Variants in ENTPD8 observed in about 807,000 individuals in gnomAD.
The protein encoded by ENTPD8 is E-NTPDase 8.
A neutral mutation model predicts 47.0 loss-of-function variants in ENTPD8; 35 were observed. The observed-to-expected ratio is 0.75, with a 90% confidence interval of 0.57 to 0.99. The LOEUF (loss-of-function observed/expected upper bound fraction) is 0.99. Ranked by LOEUF, ENTPD8 falls within the 50% of genes least tolerant of loss-of-function variation. The probability of loss-of-function intolerance (pLI) is 0.00; values close to 1 mark genes in which losing one functional copy is unlikely to be tolerated. For missense variants in ENTPD8, 668 were observed against 649.9 expected, an observed-to-expected ratio of 1.03 and a Z score of -0.30; for synonymous variants, 308 against 290.5, an observed-to-expected ratio of 1.06 and a Z score of -0.61.
intron 3 of ENTPD8, 48 bp from the exon 4 acceptor site, chr9:137,437,357 G>A: frequency 1.3e-6 from 2 of 1,574,630 alleles, no homozygotes; most frequent in Non-Finnish European, 1.7e-6. Flanking sequence ...AGGCTGGCTG[G>A]GCTGAAAGGT....
chr9:137,435,631 C>A, intron 8 of ENTPD8, 88 bp downstream of exon 8: 1 of 1,340,612 alleles, frequency 7.5e-7, no homozygotes, highest in South Asian at 1.2e-5. Flanking sequence ...GGCCGTGCTG[C>A]CCAGAATGAG....
Position 137,434,968 on chromosome 9 carries a change from G to C in ENTPD8, c.1434C>G (p.Ala478=). Residue 478 remains alanine, a synonymous_variant, in exon 10 of 10, where the codon GCC becomes GCG. Coordinates refer to ENST00000371506, the MANE Select transcript of ENTPD8 (RefSeq NM_001033113.2). Reference sequence around the variant, plus strand: ...AGGCAGCCCCCACCACCGCCACCAGGGCCAGCACCATGAACACCACTTTGG... The same window carrying C: ...AGGCAGCCCCCACCACCGCCACCAGCGCCAGCACCATGAACACCACTTTGG... ...WVAKVVFMVL[A]LVAVVGAALV... is the part of the protein sequence containing the mutation. The C allele has an allele frequency of 6.2e-7, 1 of 1,612,994 alleles. No homozygotes were observed. The highest frequency in any genetic ancestry group is 8.5e-7 in the Non-Finnish European group (1 of 1,179,894).
intron 1 of ENTPD8, among the ~76,000 whole-genome samples, chr9:137,439,013 G>C (rs963714205): frequency 6.6e-6 from 1 of 152,146 alleles, no homozygotes. Flanking sequence ...TAGGGTGGGG[G>C]TTTCTCTCTG....
chr9:137,435,246 C>T lies in ENTPD8; in HGVS notation c.1254G>A (p.Gly418=), dbSNP rs761246221. 4 of 1,612,380 alleles carry T rather than the reference C, an allele frequency of 2.5e-6. No individual in the cohort carries two copies. The highest frequency in any genetic ancestry group is 3.4e-6 in the Non-Finnish European group (4 of 1,179,878). ...GGCTGGGCCAGGTCTCCTCGCTGAA[C>T]CCGTAGCCCTCGTGCAGGAGGGTGA... is the stretch of plus-strand genomic sequence containing the variant. ...YILTLLHEGY[G]FSEETWPSLE... is the part of the protein sequence containing the mutation. Residue 418 remains glycine (G), a synonymous_variant, in exon 9 of 10, where the codon GGG becomes GGA. Transcript: ENST00000371506.
rs1588478099 is a variant in ENTPD8, at chr9:137,437,151, T to C, written c.395+8A>G. 6.2e-7 allele frequency: 1 copy of C among 1,612,178 alleles called. No individual in the cohort carries two copies. On this transcript the variant is annotated splice_region_variant and intron_variant, in intron 4 of 9. Coordinates refer to ENST00000371506, the MANE Select transcript of ENTPD8 (RefSeq NM_001033113.2). ...TCCCCGTGGGTGCCAAGGCCATGCC[T>C]GCCTCACCTGAGCAACCTCATGCCA...
At chr9:137,440,272 AC>A in intron 1 of ENTPD8, among the ~76,000 whole-genome samples, 1 of 23,942 alleles carries the variant, frequency 4.2e-5, no homozygotes, top group Non-Finnish European at 7.1e-5. Flanking sequence ...AGCCCCCCAG[AC>A]CAGGACAGCC....
rs766417457 is a variant in ENTPD8 at position 137,436,739 on chromosome 9, C to T, written c.568G>A (p.Gly190Arg). 1.9e-6 allele frequency: 3 copies of T among 1,604,378 alleles called. No homozygotes were observed. The African/African-American group carries it at 4.0e-5, about 21-fold the overall frequency. ...TCCTCCGGAGGCTGGATCCATTCTC[C>T]AGTGAAGGAGTACTGGGCACAGAAG... The part of the protein sequence containing the change: ...LGTLVKYSFT[G>R]EWIQPPEEML... Residue 190 changes from glycine to arginine, a missense_variant, in exon 6 of 10, where the codon GGA (glycine) becomes AGA (arginine). Gly to Arg is a moderately radical substitution (Grantham distance 125). Transcript: ENST00000371506.
rs1200770565 is a variant in ENTPD8, at chr9:137,438,553, G to A, written c.-20-248C>T. Among the ~76,000 whole-genome samples, 4 of 150,842 alleles carry A rather than the reference G, an allele frequency of 2.7e-5. No homozygotes were observed. The highest frequency in any genetic ancestry group is 5.9e-5 in the Non-Finnish European group (4 of 67,544). On this transcript the variant is annotated intron_variant, in intron 1 of 9. Coordinates refer to ENST00000371506, the MANE Select transcript of ENTPD8 (RefSeq NM_001033113.2). The surrounding 1 kb of genome is among the most constrained non-coding windows in gnomAD (Gnocchi z 5.7). ...CTCCCGTGGCCATAGAGGCATCTCCGGGGCTCAGACGGCCTCCCGTGGCCA... is the reference window on the plus strand; with the variant it reads ...CTCCCGTGGCCATAGAGGCATCTCCAGGGCTCAGACGGCCTCCCGTGGCCA...
chr9:137,435,168 G>A (rs1167517553), intron 9 of ENTPD8, 36 bp downstream of exon 9: 26 of 1,602,220 alleles, frequency 1.6e-5, no homozygotes, highest in Admixed American at 5.0e-5. Flanking sequence ...ACCTGCCCAC[G>A]CCCACGCCCC....
Position 137,435,718 on chromosome 9 carries a change from C to G in ENTPD8, c.1161+1G>C, listed in dbSNP as rs776416361. On this transcript the variant is annotated splice_donor_variant, in intron 8 of 9. Transcript: ENST00000371506. LOFTEE classifies it high-confidence loss of function. ...AGCCAGGGAGCCCAGGGCCCACCCA[C>G]CAGTTTCCAGGGCCTCTGGCAAAAC... The G allele has an allele frequency of 1.2e-5, 20 of 1,612,120 alleles. No individual in the cohort carries two copies. The highest frequency in any genetic ancestry group is 1.6e-5 in the Non-Finnish European group (19 of 1,179,174).
rs760846135 is a variant in ENTPD8 at position 137,436,818 on chromosome 9, A to G, written c.555+51T>C. 2.5e-6 allele frequency: 4 copies of G among 1,604,326 alleles called. No homozygotes were observed. The Admixed American group carries it at 6.7e-5, about 27-fold the overall frequency. On this transcript the variant is annotated intron_variant, in intron 5 of 9. Coordinates refer to ENST00000371506, the MANE Select transcript of ENTPD8 (RefSeq NM_001033113.2). ...GACCCCGTCCCGGTCAGCCAGCCCC[A>G]GACACCAGCCCCTCGCAGACCAGCC... is the stretch of plus-strand genomic sequence containing the variant.
chr9:137,436,791 C>T lies in ENTPD8; in HGVS notation c.556-40G>A, dbSNP rs201022191. The T allele has an allele frequency of 1.7e-5, 28 of 1,601,598 alleles. 1 individual carries two copies. The highest frequency in any genetic ancestry group is 3.3e-4 in the Middle Eastern group (2 of 6,032). ...GGCCACTCAGCTGGGAGCAGCCACCCGGACCCCGTCCCGGTCAGCCAGCCC... is the reference window on the plus strand; with the variant it reads ...GGCCACTCAGCTGGGAGCAGCCACCTGGACCCCGTCCCGGTCAGCCAGCCC... On this transcript the variant is annotated intron_variant, in intron 5 of 9. Transcript: ENST00000371506.
chr9:137,437,263 C>T lies in ENTPD8; in HGVS notation c.291G>A (p.Glu97=). 1 of 1,613,022 alleles carries T rather than the reference C, an allele frequency of 6.2e-7. No homozygotes were observed. ...SYTSNAAQAG[E]SLQGCLEEAL... ...CCTCCTCCAAGCAGCCCTGCAGGCT[C>T]TCACCAGCCTGTGCAGCATTAGAAG... The change falls in exon 4 of 10, where the codon GAG becomes GAA. Residue 97 remains glutamate, a synonymous_variant. Transcript: ENST00000371506.
chr9:137,441,314 G>A lies in ENTPD8; in HGVS notation c.-49C>T, dbSNP rs1258753174. 2 of 276,358 alleles carry A rather than the reference G, an allele frequency of 7.2e-6. No individual in the cohort carries two copies. Among genetic ancestry groups the A allele is most frequent in the Non-Finnish European group, 1.5e-5 (2 of 134,576 alleles). 17.1% of individuals were successfully genotyped at this position (276,358 alleles called of 1,614,324 possible). Reference sequence around the variant, plus strand: ...GGCTGGCTGCCCACTTCCCGGAGCGGCAAGGAGGAAGCTGTGCTTAGACGC... The same window carrying A: ...GGCTGGCTGCCCACTTCCCGGAGCGACAAGGAGGAAGCTGTGCTTAGACGC... On this transcript the variant is annotated 5_prime_UTR_variant, in exon 1 of 10. Coordinates refer to ENST00000371506, the MANE Select transcript of ENTPD8 (RefSeq NM_001033113.2).
chr9:137,436,516 C>G lies in ENTPD8; in HGVS notation c.786+5G>C. 6.3e-7 allele frequency: 1 copy of G among 1,598,730 alleles called. No individual in the cohort carries two copies. The highest frequency in any genetic ancestry group is 1.1e-5 in the South Asian group (1 of 88,676). ...CCCCATGCACCCTCCCCAGGGCCAGCTGACCTGTACCAGCCCCACGAGGAG... is the reference window on the plus strand; with the variant it reads ...CCCCATGCACCCTCCCCAGGGCCAGGTGACCTGTACCAGCCCCACGAGGAG... On this transcript the variant is annotated splice_donor_5th_base_variant and intron_variant, in intron 6 of 9. Transcript: ENST00000371506.
Position 137,441,338 on chromosome 9 carries a change from G to C in ENTPD8, c.-73C>G. ...GGCAAGGAGGAAGCTGTGCTTAGACGCTTCTGTGTCCGCGCACCTGGCGTC... is the reference window on the plus strand; with the variant it reads ...GGCAAGGAGGAAGCTGTGCTTAGACCCTTCTGTGTCCGCGCACCTGGCGTC... On this transcript the variant is annotated 5_prime_UTR_variant, in exon 1 of 10. Coordinates refer to ENST00000371506, the MANE Select transcript of ENTPD8 (RefSeq NM_001033113.2). 4.2e-6 allele frequency: 1 copy of C among 238,930 alleles called. No homozygotes were observed. Among genetic ancestry groups the C allele is most frequent in the South Asian group, 4.0e-5 (1 of 25,182 alleles). The allele number at this position is 238,930 out of a possible 1,614,324, so 14.8% of individuals were successfully genotyped here.
Position 137,435,228 on chromosome 9 carries a change from C to A in ENTPD8, c.1272G>T (p.Trp424Cys). 1 of 1,611,990 alleles carries A rather than the reference C, an allele frequency of 6.2e-7. No homozygotes were observed. The highest frequency in any genetic ancestry group is 8.5e-7 in the Non-Finnish European group (1 of 1,179,770). Residue 424 changes from tryptophan (W) to cysteine (C), a missense_variant, in exon 9 of 10, where the codon TGG (tryptophan) becomes TGT (cysteine). Coordinates refer to ENST00000371506, the MANE Select transcript of ENTPD8 (RefSeq NM_001033113.2). ...CCTGCTTTCGGAACTCGAGGCTGGG[C>A]CAGGTCTCCTCGCTGAACCCGTAGC... is the stretch of plus-strand genomic sequence containing the variant. ...HEGYGFSEET[W>C]PSLEFRKQAG... is the part of the protein sequence containing the mutation.
chr9:137,436,654 C>T lies in ENTPD8; in HGVS notation c.653G>A (p.Gly218Glu). 2 of 1,601,752 alleles carry T rather than the reference C, an allele frequency of 1.2e-6. No homozygotes were observed. The highest frequency in any genetic ancestry group is 1.3e-5 in the African/African-American group (1 of 74,952). Reference protein sequence around the residue: ...GASTQITFVPGGPILDKSTQA... With the variant: ...GASTQITFVPEGPILDKSTQA... ...GGTGCTCTTGTCCAAGATGGGGCCCCCAGGCACGAACGTGATCTGGGTGGA... is the reference window on the plus strand; with the variant it reads ...GGTGCTCTTGTCCAAGATGGGGCCCTCAGGCACGAACGTGATCTGGGTGGA... Residue 218 changes from glycine (G) to glutamate (E), a missense_variant, in exon 6 of 10, where the codon GGG (glycine) becomes GAG (glutamate). Coordinates refer to ENST00000371506, the MANE Select transcript of ENTPD8 (RefSeq NM_001033113.2).
chr9:137,437,866 C>T, intron 3 of ENTPD8, 101 bp downstream of exon 3: 1 of 1,091,882 alleles, frequency 9.2e-7, no homozygotes, highest in South Asian at 1.5e-5. Flanking sequence ...TGAGCTCAGC[C>T]AAGTCACTGA....
Sources: allele counts gnomAD v4.1 joint callset (sites outside exome capture counted in the v4.1 genomes callset), GRCh38; gene constraint gnomAD v4.1.1; non-coding constraint Gnocchi (gnomAD v3.1); transcripts MANE v1.5; gene names NCBI Gene and HGNC (gene_info 2026-07-23, HGNC 2026-07-21).